ENTPD5: variants seen among roughly 807,000 people sequenced by gnomAD.
ENTPD5 encodes the protein nucleoside diphosphate phosphatase ENTPD5.
In ENTPD5, 49 loss-of-function variants were observed where a neutral mutation model predicts 60.2. The ratio of observed to expected loss-of-function variants is 0.81; its 90% CI spans 0.65 to 1.03. ENTPD5 has a LOEUF of 1.03. Ranked by LOEUF, ENTPD5 falls within the 50% of genes least tolerant of loss-of-function variation. The pLI is 0.00. For missense variants in ENTPD5, 480 were observed against 507.6 expected (o/e 0.95, Z 0.52); for synonymous variants, 187 against 185.4 (o/e 1.01, Z -0.07).
chr14:73,998,780 A>T (rs1451494858), intron 3 of ENTPD5, among the ~76,000 whole-genome samples: 1 of 152,156 alleles, frequency 6.6e-6, no homozygotes, highest in African/African-American at 2.4e-5. Context: ...CCATGAATCA[A>T]GACACGGATG....
At chr14:73,958,150 G>T (rs1473329291), downstream of ENTPD5, 2 of 1,613,752 alleles carry the variant, frequency 1.2e-6, no homozygotes, top group African/African-American at 1.3e-5. Context: ...TCCCCAGACC[G>T]AGTGACGGTT....
intron 4 of ENTPD5, 103 bp downstream of exon 4, chr14:73,987,783 A>C (rs2057962946): frequency 9.8e-7 from 1 of 1,016,262 alleles, no homozygotes; most frequent in Admixed American, 2.3e-5. Flanking sequence ...ACTAGGTGTG[A>C]GATTCTGTAA....
chr14:74,015,596 G>A (rs140853573), intron 2 of ENTPD5, among the ~76,000 whole-genome samples: 1,790 of 151,884 alleles, frequency 0.012, 15 homozygotes, highest in South Asian at 0.03. Context: ...TAAGCAATCC[G>A]TCTGCCTTGG....
intron 13 of ENTPD5, 88 bp downstream of exon 13, chr14:73,972,796 A>T: frequency 6.8e-7 from 1 of 1,468,424 alleles, no homozygotes; most frequent in Non-Finnish European, 9.2e-7. Flanking sequence ...CACCCCGACA[A>T]AGCACCTCAA....
chr14:73,995,585 A>AAATAATAAT (rs34846091), intron 3 of ENTPD5, among the ~76,000 whole-genome samples: 7,373 of 144,142 alleles, frequency 0.051, 266 homozygotes, highest in African/African-American at 0.089. Flanking sequence ...ACTCTATCTC[A>AAATAATAAT]AATAATAATA....
chr14:73,967,506 T>C (rs529208689), intron 15 of ENTPD5, among the ~76,000 whole-genome samples: 2 of 152,270 alleles, frequency 1.3e-5, no homozygotes, highest in South Asian at 4.1e-4. Flanking sequence ...TCCTAAGCAC[T>C]AATAATAACC....
downstream of ENTPD5, chr14:73,962,854 T>C (rs941849366): frequency 1.1e-6 from 1 of 895,826 alleles, no homozygotes; most frequent in East Asian, 2.5e-5. Flanking sequence ...TTTCTTTTTT[T>C]AGCTGAAATA....
chr14:73,981,360 G>A (rs1342974665), intron 6 of ENTPD5, among the ~76,000 whole-genome samples: 3 of 151,864 alleles, frequency 2.0e-5, no homozygotes, highest in East Asian at 1.9e-4. Flanking sequence ...TTAGCCAGGC[G>A]TGGTGGTGCA....
At chr14:73,987,180 A>G (rs1240426894) in intron 4 of ENTPD5, 1 of 701,390 alleles carries the variant, frequency 1.4e-6, no homozygotes. Context: ...AGAAAAAGTT[A>G]ATCTTCAGGG....
At chr14:74,004,712 A>G (rs147938154) in intron 3 of ENTPD5, among the ~76,000 whole-genome samples, 4 of 152,186 alleles carry the variant, frequency 2.6e-5, no homozygotes, top group Non-Finnish European at 5.9e-5. Context: ...ATGTCTTTAT[A>G]ACCCAGTGGC....
At chr14:73,986,066 C>A (rs1225565919) in intron 5 of ENTPD5, among the ~76,000 whole-genome samples, 1 of 135,260 alleles carries the variant, frequency 7.4e-6, no homozygotes, top group Non-Finnish European at 1.6e-5. Context: ...AGTGATACTC[C>A]GTCAAAAAAA....
chr14:73,967,066 C>G (rs761085968), intron 15 of ENTPD5, 52 bp from the exon 16 acceptor site: 1 of 1,484,970 alleles, frequency 6.7e-7, no homozygotes, highest in South Asian at 1.1e-5. Context: ...CCAACTCTAG[C>G]AAGCACAGCT....
chr14:73,967,760 A>C (rs1594835114), intron 15 of ENTPD5, among the ~76,000 whole-genome samples: 1 of 145,900 alleles, frequency 6.9e-6, no homozygotes, highest in South Asian at 2.2e-4. Context: ...AGATCATGCC[A>C]CTGCACTCCA....
chr14:73,958,959 G>A (rs752422070), downstream of ENTPD5: 1 of 1,613,504 alleles, frequency 6.2e-7, no homozygotes, highest in East Asian at 2.2e-5. Flanking sequence ...GCAGGCTCAT[G>A]TGTCCATGCA....
Position 73,983,104 on chromosome 14 carries a change from G to C in ENTPD5, c.355C>G (p.His119Asp), listed in dbSNP as rs774391453. The C allele has an allele frequency of 6.2e-7, 1 of 1,614,148 alleles. No homozygotes were observed. The highest frequency in any genetic ancestry group is 2.2e-5 in the East Asian group (1 of 44,892). Reference protein sequence around the residue: ...EVAKDSIPRSHWKKTPVVLKA... With the variant: ...EVAKDSIPRSDWKKTPVVLKA... ...AGGACCACTGGGGTCTTTTTCCAGT[G>C]ACTTCGGGGGATTGAGTCTTTGGCC... Residue 119 changes from histidine to aspartate, a missense_variant, in exon 6 of 16, where the codon CAC becomes GAC. Transcript: ENST00000334696.
chr14:74,000,642 G>A (rs1018316944), intron 3 of ENTPD5, among the ~76,000 whole-genome samples: 2 of 151,840 alleles, frequency 1.3e-5, no homozygotes, highest in African/African-American at 2.4e-5. Context: ...TTGTCCAGGC[G>A]TGGTGGTGTG....
Position 73,974,951 on chromosome 14 carries a change from C to T in ENTPD5, c.757G>A (p.Ala253Thr). The part of the protein sequence containing the change: ...LGFGLKAARL[A>T]TLGALETEGT... ...TCTGTCTCCAGGGCTCCCAGGGTTG[C>T]TAGTCTTGCAGCTTTCAATCCAAAT... is the stretch of plus-strand genomic sequence containing the variant. The change falls in exon 11 of 16, where the codon GCA (alanine) becomes ACA (threonine). Residue 253 changes from alanine to threonine, a missense_variant. Ala to Thr is a moderately conservative substitution (Grantham distance 58). Coordinates refer to ENST00000334696, the MANE Select transcript of ENTPD5 (RefSeq NM_001249.5). 6.2e-7 allele frequency: 1 copy of T among 1,613,742 alleles called. No individual in the cohort carries two copies. The highest frequency in any genetic ancestry group is 8.5e-7 in the Non-Finnish European group (1 of 1,179,702).
intron 3 of ENTPD5, chr14:73,996,219 C>A (rs2058339025): frequency 1.0e-6 from 1 of 985,122 alleles, no homozygotes; most frequent in Non-Finnish European, 1.2e-6. Context: ...ACCGCATTCA[C>A]CTTTGTGCCA....
chr14:74,003,890 A>C (rs1006157580), intron 3 of ENTPD5, among the ~76,000 whole-genome samples: 1 of 151,794 alleles, frequency 6.6e-6, no homozygotes, highest in Non-Finnish European at 1.5e-5. Flanking sequence ...GGAGCCCAGG[A>C]GTTTGAGACC....
Sources: allele counts gnomAD v4.1 joint callset (sites outside exome capture counted in the v4.1 genomes callset), GRCh38; gene constraint gnomAD v4.1.1; transcripts MANE v1.5; gene names NCBI Gene and HGNC (gene_info 2026-07-23, HGNC 2026-07-21).